Variants in PRR5 observed in about 807,000 individuals in gnomAD.
The protein encoded by PRR5 is proline rich 5, also known as proline-rich protein 5.
Under a neutral mutation model 30.6 loss-of-function variants are expected in PRR5, and 25 were observed. That is an observed-to-expected ratio of 0.82 (90% CI 0.60 to 1.14). The LOEUF (loss-of-function observed/expected upper bound fraction) is 1.14, where lower values mean the gene tolerates loss of function less well. Among genes scored for constraint, PRR5 ranks in the 50% most tolerant of loss-of-function variants. PRR5 has a pLI of 0.00. For synonymous variants in PRR5, 286 were observed against 247.1 expected (o/e 1.16, Z -1.48); for missense variants, 600 against 547.1 (o/e 1.10, Z -0.96).
At chr22:44,708,993 A>G (rs1223574252) in intron 1 of PRR5, among the ~76,000 whole-genome samples, 1 of 146,662 alleles carries the variant, frequency 6.8e-6, no homozygotes. Context: ...AAAAAAAAAA[A>G]GAAGGTACAA....
At position 44,723,592 on chromosome 22, in the gene PRR5, C is replaced by T. The variant is rs191383336; in HGVS notation, c.216-1652C>T. On this transcript the variant is annotated intron_variant, in intron 2 of 7. Coordinates refer to ENST00000336985, the MANE Select transcript of PRR5 (RefSeq NM_181333.4). ...AAAATTAGCTGGGCGTGATGGTATG[C>T]GCCTGTAATCCCAGCTACTGGGGAG... Among the ~76,000 whole-genome samples, 369 of 152,116 alleles carry T rather than the reference C, an allele frequency of 2.4e-3. 5 individuals carry two copies. The highest frequency in any genetic ancestry group is 8.6e-3 in the African/African-American group (357 of 41,528).
At chr22:44,672,444 C>T (rs773574798), upstream of PRR5, among the ~76,000 whole-genome samples, 11 of 151,978 alleles carry the variant, frequency 7.2e-5, no homozygotes, top group South Asian at 2.1e-4. Flanking sequence ...ATTAGCCAGG[C>T]GTGGTGGCAC....
intron 1 of PRR5, among the ~76,000 whole-genome samples, chr22:44,712,141 G>A (rs1928339068): frequency 6.6e-6 from 1 of 152,156 alleles, no homozygotes; most frequent in Non-Finnish European, 1.5e-5. Flanking sequence ...CTCTCTAGGG[G>A]TGGCGCTCTC....
intron 1 of PRR5, chr22:44,679,466 A>G: frequency 5.1e-6 from 1 of 195,430 alleles, no homozygotes; most frequent in South Asian, 9.9e-5. Context: ...GCACCTTGGG[A>G]GGCCAAGGCT....
chr22:44,676,439 G>GAA (rs1042592407), upstream of PRR5, among the ~76,000 whole-genome samples: 28 of 137,254 alleles, frequency 2.0e-4, no homozygotes, highest in African/African-American at 7.6e-4. Flanking sequence ...GAGAAGAGAA[G>GAA]AAAAGAAAAG....
intron 1 of PRR5, among the ~76,000 whole-genome samples, chr22:44,693,645 G>T (rs11705572): frequency 4.7e-5 from 6 of 126,488 alleles, no homozygotes; most frequent in Admixed American, 9.1e-5. Context: ...TTTTTCTGAG[G>T]TGGAGTCTTG....
At chr22:44,706,498 A>G (rs936260622) in intron 1 of PRR5, among the ~76,000 whole-genome samples, 2 of 152,082 alleles carry the variant, frequency 1.3e-5, no homozygotes, top group East Asian at 1.9e-4. Context: ...TCTTTCCTCC[A>G]TGGATGTTGA....
intron 6 of PRR5, among the ~76,000 whole-genome samples, chr22:44,732,737 A>G (rs1423514123): frequency 6.9e-6 from 1 of 144,514 alleles, no homozygotes; most frequent in African/African-American, 2.7e-5. Context: ...ATGCATACAC[A>G]CCACACACGT....
chr22:44,694,090 A>G (rs781145937), intron 1 of PRR5, among the ~76,000 whole-genome samples: 4 of 152,174 alleles, frequency 2.6e-5, no homozygotes, highest in South Asian at 4.1e-4. Context: ...GGAGGACACA[A>G]TTCAGCAGTT....
chr22:44,731,381 A>G (rs1478446261), intron 4 of PRR5: 2 of 385,412 alleles, frequency 5.2e-6, no homozygotes, highest in Non-Finnish European at 4.9e-6. Flanking sequence ...TGTGGCTCTC[A>G]CTTGTGTGGG....
intron 1 of PRR5, among the ~76,000 whole-genome samples, chr22:44,696,501 GA>G (rs1200655103): frequency 6.6e-6 from 1 of 152,154 alleles, no homozygotes; most frequent in African/African-American, 2.4e-5. Context: ...GGTGTATTAA[GA>G]CCAGGGACCT....
chr22:44,708,515 C>T (rs1482560444), intron 1 of PRR5, among the ~76,000 whole-genome samples: 1 of 152,122 alleles, frequency 6.6e-6, no homozygotes, highest in East Asian at 1.9e-4. Flanking sequence ...ACCCTGCACC[C>T]GTGTCTCCCC....
rs146932293 is a variant in PRR5 at position 44,737,349 on chromosome 22, G to A, written c.*102G>A. The A allele has an allele frequency of 1.0e-3, 1,494 of 1,464,402 alleles. 3 individuals carry two copies. The highest frequency in any genetic ancestry group is 1.3e-3 in the Non-Finnish European group (1,413 of 1,109,934). The allele number at this position is 1,464,402 out of a possible 1,614,324, so 90.7% of individuals were successfully genotyped here. A position where few individuals can be genotyped will look rare whatever the true frequency, so the allele number is the denominator to read the frequency against. On this transcript the variant is annotated 3_prime_UTR_variant, in exon 8 of 8. Transcript: ENST00000336985. ...AGACTTTTTTACTGCGTCCCGTCCC[G>A]CCAGCCCTATCGGCCTCGTCACTGG...
intron 6 of PRR5, among the ~76,000 whole-genome samples, chr22:44,732,912 C>G (rs530167974): frequency 2.1e-5 from 3 of 143,080 alleles, no homozygotes; most frequent in African/African-American, 8.2e-5. Context: ...CGCATACACA[C>G]TACACACGTG....
intron 1 of PRR5, among the ~76,000 whole-genome samples, chr22:44,703,361 G>C (rs1337152924): frequency 6.9e-6 from 1 of 144,232 alleles, no homozygotes; most frequent in African/African-American, 2.7e-5. Flanking sequence ...GTTCGGGGGA[G>C]GCTGTGGACG....
chr22:44,695,188 TAAG>T (rs779027149), intron 1 of PRR5, among the ~76,000 whole-genome samples: 13 of 151,600 alleles, frequency 8.6e-5, no homozygotes, highest in Non-Finnish European at 1.6e-4. Flanking sequence ...AATAATAAAA[TAAG>T]AAGGAGAGAG....
In PRR5 at chr22:44,702,337, C is replaced by T; in HGVS notation, c.-138C>T. ...GAGGCGCGGGGCCGGGGCGGGACCC[C>T]GCAGGACCGCTCGGCTTCCTGCTCT... On this transcript the variant is annotated 5_prime_UTR_variant, in exon 1 of 8. Transcript: ENST00000336985. The T allele has an allele frequency of 2.6e-6, 3 of 1,170,892 alleles. No individual in the cohort carries two copies. The highest frequency in any genetic ancestry group is 4.2e-5 in the South Asian group (1 of 23,848). The allele number at this position is 1,170,892 out of a possible 1,614,324, so 72.5% of individuals were successfully genotyped here. A position where few individuals can be genotyped will look rare whatever the true frequency, so the allele number is the denominator to read the frequency against.
chr22:44,682,807 C>G (rs1390647556), intron 1 of PRR5, among the ~76,000 whole-genome samples: 1 of 152,216 alleles, frequency 6.6e-6, no homozygotes, highest in African/African-American at 2.4e-5. Context: ...CGCTCTCATT[C>G]TGCAGGGCCG....
chr22:44,729,866 C>A, intron 4 of PRR5: 1 of 985,486 alleles, frequency 1.0e-6, no homozygotes. Context: ...GAGCCACCCC[C>A]CGGCCAGCCC....
Sources: gnomAD v4.1 joint callset for allele counts (sites outside exome capture counted in the v4.1 genomes callset) on GRCh38, gnomAD v4.1.1 for gene constraint, MANE v1.5 for transcripts, NCBI Gene and HGNC (gene_info 2026-07-23, HGNC 2026-07-21) for gene names.